KCNT2: variants seen among roughly 807,000 people sequenced by gnomAD.
The protein encoded by KCNT2 is potassium channel subfamily T member 2.
In KCNT2, 67 loss-of-function variants were observed where a neutral mutation model predicts 153.8. That is an observed-to-expected ratio of 0.44 (90% CI 0.36 to 0.53). KCNT2 has a LOEUF of 0.53. Among genes scored for constraint, KCNT2 ranks in the 20% least tolerant of loss-of-function variants. The pLI, the probability that KCNT2 is intolerant of heterozygous loss-of-function variation, is 0.00. For synonymous variants in KCNT2, 500 were observed against 458.8 expected (o/e 1.09, Z -1.15); for missense variants, 975 against 1,354.8 (o/e 0.72, Z 4.40).
At chr1:196,255,622 A>G (rs189766182) in intron 26 of KCNT2, among the ~76,000 whole-genome samples, 2 of 152,030 alleles carry the variant, frequency 1.3e-5, no homozygotes, top group East Asian at 3.9e-4. Flanking sequence ...ATGGTTCTGC[A>G]GTAAAACATA....
At chr1:196,365,720 C>T (rs191405937) in intron 14 of KCNT2, among the ~76,000 whole-genome samples, 2 of 152,168 alleles carry the variant, frequency 1.3e-5, no homozygotes, top group South Asian at 4.1e-4. Flanking sequence ...TACAAACATG[C>T]AAGGCATGGG....
At chr1:196,453,708 C>T (rs190598568) in intron 8 of KCNT2, among the ~76,000 whole-genome samples, 30 of 152,062 alleles carry the variant, frequency 2.0e-4, no homozygotes, top group African/African-American at 7.0e-4. Context: ...AAATGTTACT[C>T]CTTAGAGCCT....
chr1:196,504,908 C>A (rs10754189), intron 1 of KCNT2, among the ~76,000 whole-genome samples: 8 of 152,168 alleles, frequency 5.3e-5, no homozygotes, highest in Non-Finnish European at 8.8e-5. Context: ...TGTTCATGTC[C>A]TTTGCCCACT....
chr1:196,587,952 GGT>G (rs1662887805), intron 1 of KCNT2, among the ~76,000 whole-genome samples: 2 of 151,978 alleles, frequency 1.3e-5, no homozygotes, highest in African/African-American at 4.8e-5. Context: ...TTTCAAAAAT[GGT>G]AGCACTTGCT....
intron 21 of KCNT2, among the ~76,000 whole-genome samples, chr1:196,307,333 T>C (rs528253403): frequency 6.6e-6 from 1 of 152,100 alleles, no homozygotes; most frequent in Non-Finnish European, 1.5e-5. Flanking sequence ...TGAATCTCTA[T>C]ACTACGAAAT....
intron 8 of KCNT2, among the ~76,000 whole-genome samples, chr1:196,431,993 GA>G (rs1378536960): frequency 6.6e-6 from 1 of 152,046 alleles, no homozygotes; most frequent in Non-Finnish European, 1.5e-5. Context: ...CACAGGACCA[GA>G]GTGTGAAAGG....
chr1:196,466,245 G>T (rs1677606344), intron 7 of KCNT2, among the ~76,000 whole-genome samples: 1 of 151,674 alleles, frequency 6.6e-6, no homozygotes, highest in Admixed American at 6.6e-5. Context: ...ATTTTTTTCT[G>T]GTGTATTTTT....
chr1:196,414,124 CAATATTGAGG>C (rs1672560055), intron 12 of KCNT2, among the ~76,000 whole-genome samples: 1 of 151,442 alleles, frequency 6.6e-6, no homozygotes. Context: ...TGATTTAGAA[CAATATTGAGG>C]AAAATCACTT....
chr1:196,305,544 T>C (rs1571977168), intron 21 of KCNT2, among the ~76,000 whole-genome samples, 199 bp from the exon 22 acceptor site: 1 of 152,148 alleles, frequency 6.6e-6, no homozygotes, highest in African/African-American at 2.4e-5. Context: ...TTAACAGACA[T>C]TTTAGCACAA....
intron 12 of KCNT2, 143 bp downstream of exon 12, chr1:196,422,907 G>C (rs1292616045): frequency 3.9e-6 from 2 of 508,720 alleles, no homozygotes; most frequent in African/African-American, 3.9e-5. Context: ...TTATGGAAAA[G>C]ATAGCTCAGT....
chr1:196,465,932 G>T (rs545611807), intron 7 of KCNT2, among the ~76,000 whole-genome samples: 1 of 151,826 alleles, frequency 6.6e-6, no homozygotes, highest in Non-Finnish European at 1.5e-5. Flanking sequence ...CATTATTTGT[G>T]TACCACTCAT....
chr1:196,319,452 CTAGT>C, intron 20 of KCNT2, 28 bp downstream of exon 20: 6 of 1,505,120 alleles, frequency 4.0e-6, no homozygotes, highest in Non-Finnish European at 5.5e-6. Context: ...GGACACTACA[CTAGT>C]TAGTGTGCCA....
chr1:196,234,283 C>T (rs1246506052), intron 27 of KCNT2, among the ~76,000 whole-genome samples: 2 of 151,014 alleles, frequency 1.3e-5, no homozygotes, highest in East Asian at 3.9e-4. Flanking sequence ...TACTACCCAA[C>T]AGCCCCTCTT....
chr1:196,317,796 C>T lies in KCNT2; in HGVS notation c.2348+1688G>A, dbSNP rs188969546. 4.0e-5 allele frequency among the ~76,000 whole-genome samples: 6 copies of T among 151,740 alleles called. No homozygotes were observed. The East Asian group carries it at 1.2e-3, about 30-fold the overall frequency. On this transcript the variant is annotated intron_variant, in intron 20 of 27. Coordinates refer to ENST00000294725, the MANE Select transcript of KCNT2 (RefSeq NM_198503.5). ...GCTAAATAGCTGTTACCTATACCCA[C>T]GTGTGTCGGTTAATTCCAGTCTCAA... is the stretch of plus-strand genomic sequence containing the variant.
At chr1:196,565,589 A>T (rs1182344693) in intron 1 of KCNT2, among the ~76,000 whole-genome samples, 1 of 134,024 alleles carries the variant, frequency 7.5e-6, no homozygotes, top group African/African-American at 3.6e-5. Context: ...ACAAATCATT[A>T]TACATATATA....
intron 12 of KCNT2, among the ~76,000 whole-genome samples, chr1:196,421,448 A>G (rs934037699): frequency 2.6e-5 from 4 of 152,050 alleles, no homozygotes; most frequent in Non-Finnish European, 4.4e-5. Flanking sequence ...ACATAAGTCA[A>G]CCAAATATAG....
At chr1:196,419,320 TC>T (rs1673004168) in intron 12 of KCNT2, among the ~76,000 whole-genome samples, 1 of 61,850 alleles carries the variant, frequency 1.6e-5, no homozygotes. Context: ...ATGCTATCCC[TC>T]CCCCCTCCCC....
chr1:196,520,555 C>T (rs1273161383), intron 1 of KCNT2, among the ~76,000 whole-genome samples: 1 of 151,876 alleles, frequency 6.6e-6, no homozygotes, highest in African/African-American at 2.4e-5. Context: ...ATCTAAAAAA[C>T]TCCACAGTCT....
chr1:196,337,602 T>C (rs1665159985), intron 16 of KCNT2, among the ~76,000 whole-genome samples: 1 of 152,088 alleles, frequency 6.6e-6, no homozygotes, highest in Admixed American at 6.6e-5. Flanking sequence ...AGGGCCCTGT[T>C]ACTGTTCCTG....
Sources: allele counts gnomAD v4.1 joint callset (sites outside exome capture counted in the v4.1 genomes callset), GRCh38; gene constraint gnomAD v4.1.1; transcripts MANE v1.5; gene names NCBI Gene and HGNC (gene_info 2026-07-23, HGNC 2026-07-21).